The following KDM2B variants were observed in gnomAD, a reference collection of about 807,000 sequenced individuals.
KDM2B encodes the protein lysine-specific demethylase 2B.
In KDM2B, 26 loss-of-function variants were observed where a neutral mutation model predicts 150.0. The observed-to-expected ratio is 0.17, with a 90% confidence interval of 0.13 to 0.24. The LOEUF is 0.24. KDM2B is among the 10% of genes least tolerant of loss of function. The probability of loss-of-function intolerance (pLI) is 1.00; values close to 1 mark genes in which losing one functional copy is unlikely to be tolerated. For missense variants in KDM2B, 1,265 were observed against 1,816.9 expected (o/e 0.70, Z 5.52); for synonymous variants, 734 against 729.5 (o/e 1.01, Z -0.10).
intron 11 of KDM2B, among the ~76,000 whole-genome samples, chr12:121,497,928 A>G (rs1271322818): frequency 1.3e-5 from 2 of 151,868 alleles, no homozygotes; most frequent in Non-Finnish European, 2.9e-5. Flanking sequence ...AAACCCCATC[A>G]CTACTAAAAC....
intron 11 of KDM2B, among the ~76,000 whole-genome samples, chr12:121,504,841 G>A (rs977335930): frequency 6.6e-6 from 1 of 152,116 alleles, no homozygotes; most frequent in Non-Finnish European, 1.5e-5. Context: ...TAGCCACCGA[G>A]CGCGGTGGCT....
intron 15 of KDM2B, 65 bp downstream of exon 15, chr12:121,444,385 G>A (rs782257036): frequency 1.2e-6 from 2 of 1,608,556 alleles, no homozygotes. Context: ...GGACAGGCTG[G>A]TCCCGGCCAG....
the KDM2B span, among the ~76,000 whole-genome samples, chr12:121,413,497 C>T: frequency 2.7e-5 from 4 of 150,052 alleles, no homozygotes; most frequent in East Asian, 2.0e-4. Flanking sequence ...CTGCACCCTC[C>T]GCCTCCTGGG....
Position 121,575,567 on chromosome 12 carries a change from T to C in KDM2B, c.350+214A>G, listed in dbSNP as rs925912368. Among the ~76,000 whole-genome samples the C allele has an allele frequency of 2.0e-5, 3 of 152,188 alleles. No individual in the cohort carries two copies. The highest frequency in any genetic ancestry group is 7.2e-5 in the African/African-American group (3 of 41,448). The stretch of plus-strand genomic sequence containing the variant: ...GTCAACACTGCTTAATTACCCTATG[T>C]CCTCTCTCTGCCCAAAGTCCCTGCA... On this transcript the variant is annotated intron_variant, in intron 3 of 22. Transcript: ENST00000377071. The surrounding 1 kb of genome is among the most constrained non-coding windows in gnomAD (Gnocchi z 4.4).
intron 12 of KDM2B, among the ~76,000 whole-genome samples, chr12:121,486,245 A>G (rs1223583920): frequency 9.7e-5 from 14 of 143,844 alleles, no homozygotes; most frequent in Non-Finnish European, 2.0e-4. Context: ...AGTAGCTGGG[A>G]TTACAGGTGC....
chr12:121,529,053 A>C (rs1555307376), intron 8 of KDM2B, among the ~76,000 whole-genome samples: 1 of 152,216 alleles, frequency 6.6e-6, no homozygotes, highest in Non-Finnish European at 1.5e-5. Flanking sequence ...ACTAAAGACC[A>C]ATATCCCTGA....
chr12:121,514,751 A>G (rs1885892019), intron 9 of KDM2B, among the ~76,000 whole-genome samples: 1 of 87,764 alleles, frequency 1.1e-5, no homozygotes, highest in Admixed American at 1.3e-4. Flanking sequence ...GCACTCACCC[A>G]TCCCCCCATT....
intron 8 of KDM2B, among the ~76,000 whole-genome samples, chr12:121,526,489 G>A (rs556458644): frequency 1.1e-4 from 17 of 152,306 alleles, no homozygotes; most frequent in Middle Eastern, 6.8e-3. Flanking sequence ...AGGAATATGT[G>A]TTTTCAAAGT....
Position 121,532,851 on chromosome 12 carries a change from G to C in KDM2B, c.886C>G (p.Gln296Glu). The change falls in exon 8 of 23, where the codon CAA (glutamine) becomes GAA (glutamate). Residue 296 changes from glutamine (Q) to glutamate (E), a missense_variant. Coordinates refer to ENST00000377071, the MANE Select transcript of KDM2B (RefSeq NM_032590.5). ...IFLGDRVERC[Q>E]RIELKQGYTF... Reference sequence around the variant, plus strand: ...TAGCCCTGCTTCAGCTCAATTCTTTGGCATCGTTCCACACGGTCTCCCAGA... The same window carrying C: ...TAGCCCTGCTTCAGCTCAATTCTTTCGCATCGTTCCACACGGTCTCCCAGA... The C allele has an allele frequency of 6.2e-7, 1 of 1,614,180 alleles. No homozygotes were observed. Among genetic ancestry groups the C allele is most frequent in the Non-Finnish European group, 8.5e-7 (1 of 1,180,044 alleles).
chr12:121,484,540 G>T (rs116464401), intron 12 of KDM2B, among the ~76,000 whole-genome samples: 2,538 of 152,236 alleles, frequency 0.017, 55 homozygotes, highest in African/African-American at 0.055. Context: ...GATGGAGGCC[G>T]GACATGGTGG....
At chr12:121,459,768 T>G (rs1040137452) in intron 12 of KDM2B, among the ~76,000 whole-genome samples, 1 of 151,336 alleles carries the variant, frequency 6.6e-6, no homozygotes, top group African/African-American at 2.4e-5. Flanking sequence ...AGGCAGAGGT[T>G]GCAGTGAGCC....
At chr12:121,491,610 T>C (rs2140294142) in intron 12 of KDM2B, among the ~76,000 whole-genome samples, 1 of 151,758 alleles carries the variant, frequency 6.6e-6, no homozygotes, top group African/African-American at 2.4e-5. Context: ...CTGGCCAACA[T>C]GGTGAAACCC....
intron 16 of KDM2B, 39 bp from the exon 17 acceptor site, chr12:121,443,832 G>C: frequency 1.4e-6 from 2 of 1,421,414 alleles, no homozygotes. Flanking sequence ...TGACTCGCTG[G>C]TTTTCCCCTC....
At chr12:121,579,598 A>T in intron 1 of KDM2B, 1 of 1,300,324 alleles carries the variant, frequency 7.7e-7, no homozygotes, top group Middle Eastern at 2.1e-4. Flanking sequence ...CGGATCGGAG[A>T]CCCCAAAACG....
Position 121,578,824 on chromosome 12 carries a change from G to A in KDM2B, c.249C>T (p.Phe83=), listed in dbSNP as rs1205185885. Residue 83 remains phenylalanine, a synonymous_variant, in exon 2 of 23, where the codon TTC becomes TTT. Coordinates refer to ENST00000377071, the MANE Select transcript of KDM2B (RefSeq NM_032590.5). ...CACCTTTGCCCTCCATGGCGTGCAC[G>A]AAGTCCCCCTGGTACAGCTGGCTGC... ...KLRSQLYQGD[F]VHAMEGKDFN... is the part of the protein sequence containing the mutation. The A allele has an allele frequency of 6.3e-7, 1 of 1,591,960 alleles. No homozygotes were observed. The highest frequency in any genetic ancestry group is 1.4e-5 in the African/African-American group (1 of 73,974).
At chr12:121,540,703 G>A (rs556218032) in intron 6 of KDM2B, among the ~76,000 whole-genome samples, 2 of 147,248 alleles carry the variant, frequency 1.4e-5, no homozygotes, top group Admixed American at 6.9e-5. Context: ...GCAGTGAGCC[G>A]AGATTGCATC....
At chr12:121,423,501 G>A in the KDM2B span, 20 of 1,614,106 alleles carry the variant, frequency 1.2e-5, no homozygotes, top group Non-Finnish European at 1.5e-5. This position sits in a 1 kb window ranked among gnomAD's most constrained non-coding sequence, Gnocchi z 4.3. Flanking sequence ...CCTGCACCAA[G>A]TGCGGCAAGC....
At chr12:121,476,334 T>C (rs1270695137) in intron 12 of KDM2B, among the ~76,000 whole-genome samples, 2 of 152,046 alleles carry the variant, frequency 1.3e-5, no homozygotes, top group South Asian at 2.1e-4. Flanking sequence ...AGTATGCCTG[T>C]AGTCCCAGCT....
At chr12:121,512,464 G>A (rs1187425697) in intron 10 of KDM2B, among the ~76,000 whole-genome samples, 2 of 151,926 alleles carry the variant, frequency 1.3e-5, no homozygotes, top group Admixed American at 6.6e-5. Flanking sequence ...GAGGCTGCAG[G>A]AAAAATTGTG....
Sources: allele counts gnomAD v4.1 joint callset (sites outside exome capture counted in the v4.1 genomes callset), GRCh38; gene constraint gnomAD v4.1.1; non-coding constraint Gnocchi (gnomAD v3.1); transcripts MANE v1.5; gene names NCBI Gene and HGNC (gene_info 2026-07-23, HGNC 2026-07-21).